Variants in DNAH1 observed in about 807,000 individuals in gnomAD.
DNAH1 encodes dynein axonemal heavy chain 1.
A neutral mutation model predicts 484.3 loss-of-function variants in DNAH1; 327 were observed. That is an observed-to-expected ratio of 0.68 (90% confidence interval 0.62 to 0.74). DNAH1 has a LOEUF of 0.74. DNAH1 is among the 30% of genes least tolerant of loss of function. The pLI, the probability that DNAH1 is intolerant of heterozygous loss-of-function variation, is 0.00. For missense variants in DNAH1, 5,052 were observed against 5,546.8 expected, an observed-to-expected ratio of 0.91 and a Z score of 2.83; for synonymous variants, 2,192 against 2,191.9, an observed-to-expected ratio of 1.00 and a Z score of 0.00.
intron 8 of DNAH1, among the ~76,000 whole-genome samples, chr3:52,333,843 T>C (rs1210392202): frequency 6.6e-6 from 1 of 152,222 alleles, no homozygotes; most frequent in Non-Finnish European, 1.5e-5. Context: ...ATAGGCTTTG[T>C]GTTACATAAT....
At chr3:52,313,030 G>T (rs537698391), upstream of DNAH1, among the ~76,000 whole-genome samples, 2 of 152,080 alleles carry the variant, frequency 1.3e-5, no homozygotes, top group Non-Finnish European at 2.9e-5. Context: ...CAAATGATCC[G>T]CCCACCTCGG....
Position 52,395,299 on chromosome 3 carries a change from C to G in DNAH1, c.10969-9C>G, listed in dbSNP as rs756320388. ...CAGGTGGTCTCAGCATCTCCCCCTGCCCTTGCAGACAGCCAATCTGTCAGT... is the reference window on the plus strand; with the variant it reads ...CAGGTGGTCTCAGCATCTCCCCCTGGCCTTGCAGACAGCCAATCTGTCAGT... On this transcript the variant is annotated splice_polypyrimidine_tract_variant and intron_variant, in intron 68 of 77. Transcript: ENST00000420323. This position sits in a 1 kb window ranked among gnomAD's most constrained non-coding sequence, Gnocchi z 4.4. The G allele has an allele frequency of 6.2e-7, 1 of 1,612,640 alleles. No individual in the cohort carries two copies. The highest frequency in any genetic ancestry group is 1.1e-5 in the South Asian group (1 of 90,808).
chr3:52,327,826 A>G, intron 5 of DNAH1, 56 bp from the exon 6 acceptor site: 2 of 1,601,252 alleles, frequency 1.2e-6, no homozygotes, highest in Non-Finnish European at 1.7e-6. Flanking sequence ...ACCCAGTCCC[A>G]CCTGGGCCCC....
At chr3:52,375,149 A>T in intron 44 of DNAH1, 91 bp from the exon 45 acceptor site, 1 of 1,398,962 alleles carries the variant, frequency 7.1e-7, no homozygotes, top group Non-Finnish European at 9.6e-7. Flanking sequence ...GTTCTAAAGT[A>T]TAATTTTGAA....
chr3:52,343,848 T>C (rs1702036077), intron 8 of DNAH1, among the ~76,000 whole-genome samples: 1 of 152,128 alleles, frequency 6.6e-6, no homozygotes, highest in Non-Finnish European at 1.5e-5. Context: ...ATAGGCAACG[T>C]GTGCTGAGGA....
chr3:52,337,193 T>C (rs1475423832), intron 8 of DNAH1, among the ~76,000 whole-genome samples: 1 of 152,204 alleles, frequency 6.6e-6, no homozygotes, highest in East Asian at 1.9e-4. Flanking sequence ...GTGGCAATTG[T>C]AAATGGGATT....
At chr3:52,397,921 G>A in intron 74 of DNAH1, 44 bp downstream of exon 74, 1 of 1,576,484 alleles carries the variant, frequency 6.3e-7, no homozygotes, top group Non-Finnish European at 8.6e-7. Flanking sequence ...GGACGGGCTG[G>A]GCTTCACCAT....
chr3:52,369,784 A>T (rs369522182), intron 37 of DNAH1, 41 bp from the exon 38 acceptor site: 1 of 1,569,950 alleles, frequency 6.4e-7, no homozygotes, highest in Non-Finnish European at 8.7e-7. Context: ...AGGCCTGAGG[A>T]CTGGCAGCCA....
chr3:52,323,774 G>A, intron 2 of DNAH1, 34 bp from the exon 3 acceptor site: 1 of 1,562,024 alleles, frequency 6.4e-7, no homozygotes, highest in Non-Finnish European at 8.7e-7. Context: ...CTGGGAGGTT[G>A]ACACATACTC....
intron 15 of DNAH1, 76 bp downstream of exon 15, chr3:52,350,184 G>A (rs1295507350): frequency 1.2e-5 from 19 of 1,559,982 alleles, no homozygotes; most frequent in Non-Finnish European, 1.6e-5. Flanking sequence ...GGGGCAGGCA[G>A]GGGCTGGGAG....
chr3:52,382,302 C>T lies in DNAH1; in HGVS notation c.7806-18C>T, dbSNP rs1161542437. On this transcript the variant is annotated intron_variant, in intron 49 of 77. Transcript: ENST00000420323. ...CCCCAAGTCCCTGGCATGCTTCAAC[C>T]CAAACTTCTGCCTCCAGGGCCGAGT... 5 of 1,613,934 alleles carry T rather than the reference C, an allele frequency of 3.1e-6. No homozygotes were observed. Among genetic ancestry groups the T allele is most frequent in the Non-Finnish European group, 3.4e-6 (4 of 1,179,876 alleles).
intron 39 of DNAH1, 67 bp from the exon 40 acceptor site, chr3:52,370,410 G>T (rs1703283172): frequency 6.2e-7 from 1 of 1,604,382 alleles, no homozygotes; most frequent in East Asian, 2.2e-5. Flanking sequence ...ACATGCCCCT[G>T]CCCCACTTCC....
intron 41 of DNAH1, among the ~76,000 whole-genome samples, chr3:52,371,373 G>T (rs1703332619): frequency 6.6e-6 from 1 of 152,248 alleles, no homozygotes; most frequent in Non-Finnish European, 1.5e-5. Context: ...GCACATTTGG[G>T]TCTAACGTTT....
At position 52,395,540 on chromosome 3, in the gene DNAH1, C is replaced by G; in HGVS notation, c.11128-7C>G. ...TGGCCCCCTGCTCAGTGCTCTTGCC[C>G]CTGCAGGGCCCTCGGGCAGAAGCCA... On this transcript the variant is annotated splice_region_variant and splice_polypyrimidine_tract_variant and intron_variant, in intron 69 of 77. Transcript: ENST00000420323. The surrounding 1 kb of genome is among the most constrained non-coding windows in gnomAD (Gnocchi z 4.4). 1.2e-6 allele frequency: 2 copies of G among 1,613,502 alleles called. No homozygotes were observed. Among genetic ancestry groups the G allele is most frequent in the Non-Finnish European group, 1.7e-6 (2 of 1,179,842 alleles).
intron 44 of DNAH1, chr3:52,374,206 G>A (rs1325917051): frequency 1.3e-5 from 18 of 1,341,694 alleles, no homozygotes; most frequent in African/African-American, 2.9e-5. Flanking sequence ...ATGAAACAGA[G>A]CATCATAATG....
In DNAH1 at chr3:52,380,073, G is replaced by C; in HGVS notation, c.7546G>C (p.Gly2516Arg). 3 of 1,605,458 alleles carry C rather than the reference G, an allele frequency of 1.9e-6. No individual in the cohort carries two copies. Among genetic ancestry groups the C allele is most frequent in the Non-Finnish European group, 2.6e-6 (3 of 1,176,044 alleles). The change falls in exon 48 of 78, where the codon GGG (glycine) becomes CGG (arginine). Residue 2516 changes from glycine to arginine, a missense_variant. This residue lies in a region of DNAH1 where 2,929 missense variants were observed against 3,409.4 expected (regional missense o/e 0.86). Coordinates refer to ENST00000420323, the MANE Select transcript of DNAH1 (RefSeq NM_015512.5). ...CTGCCCCTTCCAGCCCATTCTTTAC[G>C]GGGACTTCATGTCACCAGGCTCCGA... ...KVCPFQPILYGDFMSPGSDVK... is the reference protein window; with the variant it reads ...KVCPFQPILYRDFMSPGSDVK...
Position 52,345,637 on chromosome 3 carries a change from C to A in DNAH1, c.1587C>A (p.Phe529Leu), listed in dbSNP as rs1702111197. 1 of 1,611,400 alleles carries A rather than the reference C, an allele frequency of 6.2e-7. No individual in the cohort carries two copies. Among genetic ancestry groups the A allele is most frequent in the East Asian group, 2.2e-5 (1 of 44,760 alleles). ...ACAAGGTGACCGCCATGTCCCTGTT[C>A]CACTCGAGCCTCTCCAAGTACAGCC... is the stretch of plus-strand genomic sequence containing the variant. ...ECNKVTAMSL[F>L]HSSLSKYSHL... The change falls in exon 10 of 78, where the codon TTC (phenylalanine) becomes TTA (leucine). Residue 529 changes from phenylalanine (F) to leucine (L), a missense_variant. Around this residue, in one of 4 missense-constraint regions of DNAH1, gnomAD observed 1,263 missense variants for 1,218.8 expected, o/e 1.04. Coordinates refer to ENST00000420323, the MANE Select transcript of DNAH1 (RefSeq NM_015512.5).
rs755403994 is a variant in DNAH1 at position 52,360,383 on chromosome 3, G to A, written c.4644G>A (p.Leu1548=). The change falls in exon 28 of 78, where the codon CTG becomes CTA. Residue 1548 remains leucine, a synonymous_variant. Coordinates refer to ENST00000420323, the MANE Select transcript of DNAH1 (RefSeq NM_015512.5). ...AGTTCATCTATGGCTATGAGTACCT[G>A]GGCAACAGTGGGAGGCTGGTGATCA... The part of the protein sequence containing the change: ...NAEFIYGYEY[L]GNSGRLVITP... The A allele has an allele frequency of 4.3e-6, 7 of 1,613,850 alleles. No individual in the cohort carries two copies. Among genetic ancestry groups the A allele is most frequent in the Non-Finnish European group, 5.9e-6 (7 of 1,179,874 alleles).
rs371499650 is a variant in DNAH1 at position 52,362,856 on chromosome 3, CAG to C, written c.5095-138_5095-137del. ...ACTCTAATGGCAGAGCTACCAGTCTCAGGGGAGTGAAAGCCTCAGCTGTGGCA... is the reference window on the plus strand; with the variant it reads ...ACTCTAATGGCAGAGCTACCAGTCTCGGGAGTGAAAGCCTCAGCTGTGGCA... On this transcript the variant is annotated intron_variant, in intron 31 of 77. Transcript: ENST00000420323. This position sits in a 1 kb window ranked among gnomAD's most constrained non-coding sequence, Gnocchi z 5.1. 6,791 of 1,208,068 alleles carry C rather than the reference CAG, an allele frequency of 5.6e-3. 59 individuals are homozygous for C. Among genetic ancestry groups the C allele is most frequent in the South Asian group, 0.023 (1,700 of 73,524 alleles). 74.8% of individuals were successfully genotyped at this position (1,208,068 alleles called of 1,614,324 possible).
Sources: gnomAD v4.1 joint callset for allele counts (sites outside exome capture counted in the v4.1 genomes callset) on GRCh38, gnomAD v4.1.1 for gene constraint, gnomAD v4.1.1 regional missense constraint, Gnocchi (gnomAD v3.1) non-coding constraint, MANE v1.5 for transcripts, NCBI Gene and HGNC (gene_info 2026-07-23, HGNC 2026-07-21) for gene names.